Variants in KCNN2 observed in about 807,000 individuals in gnomAD.
KCNN2 encodes small conductance calcium-activated potassium channel protein 2.
Under a neutral mutation model 55.5 loss-of-function variants are expected in KCNN2, and 24 were observed. That is an observed-to-expected ratio of 0.43 (90% CI 0.31 to 0.61). KCNN2 has a LOEUF of 0.61. KCNN2 is among the 20% of genes least tolerant of loss of function. KCNN2 has a pLI of 0.08. For synonymous variants in KCNN2, 431 were observed against 336.1 expected, an observed-to-expected ratio of 1.28 and a Z score of -3.09; for missense variants, 754 against 853.6, an observed-to-expected ratio of 0.88 and a Z score of 1.45.
chr5:114,412,975 T>C (rs1413164183), intron 3 of KCNN2, among the ~76,000 whole-genome samples: 1 of 152,232 alleles, frequency 6.6e-6, no homozygotes, highest in Non-Finnish European at 1.5e-5. Flanking sequence ...TAATTTGTGG[T>C]TGATGGCAAT....
intron 1 of KCNN2, among the ~76,000 whole-genome samples, chr5:114,141,374 G>A (rs1378014808): frequency 6.6e-5 from 10 of 152,064 alleles, no homozygotes; most frequent in East Asian, 3.9e-4. Context: ...GTGAGAACAC[G>A]CGGAGTTTGT....
At chr5:114,129,226 C>A (rs937393701) in intron 1 of KCNN2, among the ~76,000 whole-genome samples, 3 of 152,180 alleles carry the variant, frequency 2.0e-5, no homozygotes, top group Non-Finnish European at 4.4e-5. Context: ...CCTGCTGTAG[C>A]TTTCCATTAG....
At chr5:114,164,044 T>C (rs1752855589) in intron 1 of KCNN2, among the ~76,000 whole-genome samples, 1 of 152,140 alleles carries the variant, frequency 6.6e-6, no homozygotes, top group Non-Finnish European at 1.5e-5. Context: ...TGAACCTGAT[T>C]GTCAATATGA....
At chr5:114,341,741 AATG>A (rs1409963331) in intron 2 of KCNN2, among the ~76,000 whole-genome samples, 2 of 152,206 alleles carry the variant, frequency 1.3e-5, no homozygotes, top group African/African-American at 4.8e-5. Flanking sequence ...ATAACATACT[AATG>A]ATGAAGGTTT....
At chr5:114,178,221 TA>T (rs1358811507) in intron 1 of KCNN2, among the ~76,000 whole-genome samples, 19 of 152,198 alleles carry the variant, frequency 1.2e-4, no homozygotes, top group African/African-American at 4.6e-4. Context: ...CTGACTTCTA[TA>T]AAGGCTCAGC....
intron 1 of KCNN2, among the ~76,000 whole-genome samples, chr5:114,198,720 A>G (rs1307288036): frequency 2.0e-5 from 3 of 151,692 alleles, no homozygotes; most frequent in African/African-American, 7.3e-5. Context: ...TTTAATTTCC[A>G]TGTATTTGTA....
intron 1 of KCNN2, among the ~76,000 whole-genome samples, chr5:114,095,531 A>G (rs1751237649): frequency 6.6e-6 from 1 of 152,184 alleles, no homozygotes; most frequent in Non-Finnish European, 1.5e-5. Context: ...AAATTATATC[A>G]TAAAAGGTTC....
intron 2 of KCNN2, among the ~76,000 whole-genome samples, chr5:114,299,791 G>T (rs1390344630): frequency 6.6e-6 from 1 of 152,142 alleles, no homozygotes; most frequent in Non-Finnish European, 1.5e-5. Context: ...GTGCTCCTTT[G>T]AGGAGGCCAT....
At chr5:114,147,385 G>A (rs4583880) in intron 1 of KCNN2, among the ~76,000 whole-genome samples, 124,648 of 152,122 alleles carry the variant, frequency 0.82, 52,065 homozygotes, top group East Asian at 0.94. Context: ...GATCAAAGCC[G>A]GAAATTTTAG....
chr5:114,496,084 G>T lies in KCNN2; in HGVS notation c.2278G>T (p.Asp760Tyr). 1.2e-6 allele frequency: 2 copies of T among 1,614,040 alleles called. No homozygotes were observed. Among genetic ancestry groups the T allele is most frequent in the Non-Finnish European group, 8.5e-7 (1 of 1,179,970 alleles). Residue 760 changes from aspartate to tyrosine, a missense_variant, in exon 8 of 8, where the codon GAC becomes TAC. By Grantham distance (160) the Asp-to-Tyr change is radical (BLOSUM62 -3). Around this residue, in one of 4 missense-constraint regions of KCNN2, gnomAD observed 164 missense variants for 156.6 expected, o/e 1.05. Transcript: ENST00000673685. ...CATTGAGGCTCAGATGGAGAGCTACGACAAGCACGTCACTTACAATGCTGA... is the reference window on the plus strand; with the variant it reads ...CATTGAGGCTCAGATGGAGAGCTACTACAAGCACGTCACTTACAATGCTGA... Reference protein sequence around the residue: ...DFIEAQMESYDKHVTYNAERS... With the variant: ...DFIEAQMESYYKHVTYNAERS...
intron 2 of KCNN2, among the ~76,000 whole-genome samples, chr5:114,246,650 A>G (rs1434593020): frequency 6.6e-6 from 1 of 152,184 alleles, no homozygotes; most frequent in Non-Finnish European, 1.5e-5. Context: ...GGTATTTGTG[A>G]TAGTCATAAT....
chr5:114,184,975 A>G (rs1194963519), intron 1 of KCNN2, among the ~76,000 whole-genome samples: 1 of 152,144 alleles, frequency 6.6e-6, no homozygotes, highest in Non-Finnish European at 1.5e-5. Flanking sequence ...ATAAGTAGCC[A>G]TAAATCTACA....
At chr5:114,288,497 T>TACACACAC (rs371769820) in intron 2 of KCNN2, among the ~76,000 whole-genome samples, 21,262 of 127,618 alleles carry the variant, frequency 0.17, 2,120 homozygotes, top group East Asian at 0.51. Context: ...TATATATATA[T>TACACACAC]ATACACACAC....
At chr5:114,141,198 G>T (rs562094086) in intron 1 of KCNN2, among the ~76,000 whole-genome samples, 32 of 152,108 alleles carry the variant, frequency 2.1e-4, no homozygotes, top group African/African-American at 6.3e-4. Flanking sequence ...TGTTACATAT[G>T]TATACATGTG....
At chr5:114,316,091 C>A (rs1756494734) in intron 2 of KCNN2, among the ~76,000 whole-genome samples, 1 of 152,170 alleles carries the variant, frequency 6.6e-6, no homozygotes. Flanking sequence ...ATTCATCACA[C>A]ACGCATATAG....
chr5:114,421,035 C>A (rs950678258), intron 3 of KCNN2, among the ~76,000 whole-genome samples: 1 of 152,138 alleles, frequency 6.6e-6, no homozygotes, highest in African/African-American at 2.4e-5. Context: ...AAGTTGATTT[C>A]TTGAATGCTG....
In KCNN2 at chr5:114,111,281, T is replaced by C. The variant is rs375632503; in HGVS notation, c.-271+54781T>C. Among the ~76,000 whole-genome samples the C allele has an allele frequency of 3.3e-5, 5 of 152,236 alleles. No individual in the cohort carries two copies. The East Asian group carries it at 7.7e-4, about 24-fold the overall frequency. The stretch of plus-strand genomic sequence containing the variant: ...CTGGAAAAAACAGGCTAGCCATATG[T>C]AGAAAGCTGAATCAGGATCCTTTCC... On this transcript the variant is annotated intron_variant, in intron 1 of 10. Transcript: ENST00000512097.
intron 2 of KCNN2, among the ~76,000 whole-genome samples, chr5:114,261,473 G>A (rs1412663037): frequency 6.6e-6 from 1 of 152,128 alleles, no homozygotes; most frequent in African/African-American, 2.4e-5. Flanking sequence ...ATTTTTTACT[G>A]GCTTCCAAGT....
intron 2 of KCNN2, among the ~76,000 whole-genome samples, chr5:114,279,228 A>G (rs1167019299): frequency 6.6e-6 from 1 of 152,056 alleles, no homozygotes; most frequent in Non-Finnish European, 1.5e-5. Context: ...AATTAGAAAT[A>G]CCTTCAAAAT....
Sources: gnomAD v4.1 joint callset for allele counts (sites outside exome capture counted in the v4.1 genomes callset) on GRCh38, gnomAD v4.1.1 for gene constraint, gnomAD v4.1.1 regional missense constraint, MANE v1.5 for transcripts, NCBI Gene and HGNC (gene_info 2026-07-23, HGNC 2026-07-21) for gene names.